The following WDR25 variants were observed in gnomAD, a reference collection of about 807,000 sequenced individuals.
WDR25 encodes WD repeat-containing protein 25.
In WDR25, 35 loss-of-function variants were observed where a neutral mutation model predicts 47.7. The ratio of observed to expected loss-of-function variants is 0.73; its 90% CI spans 0.56 to 0.97. The LOEUF (loss-of-function observed/expected upper bound fraction) is 0.97, where lower values mean the gene tolerates loss of function less well. Among genes scored for constraint, WDR25 ranks in the 50% least tolerant of loss-of-function variants. The pLI, the probability that WDR25 is intolerant of heterozygous loss-of-function variation, is 0.00. For synonymous variants in WDR25, 248 were observed against 278.9 expected (o/e 0.89, Z 1.10); for missense variants, 634 against 704.7 (o/e 0.90, Z 1.14).
intron 2 of WDR25, among the ~76,000 whole-genome samples, chr14:100,437,278 C>G (rs2140240942): frequency 6.6e-6 from 1 of 152,270 alleles, no homozygotes; most frequent in South Asian, 2.1e-4. Flanking sequence ...CCCCACGGCC[C>G]AGCCTTAGCC....
rs1294532604 is a variant in WDR25, at chr14:100,381,666, C to T, written c.742C>T (p.Pro248Ser). ...VLFHLRGHRG[P>S]VNTIQWCPVL... ...TTTCCACCTGAGAGGCCACAGGGGCCCTGTCAACACCATTCAGTGGTGTCC... is the reference window on the plus strand; with the variant it reads ...TTTCCACCTGAGAGGCCACAGGGGCTCTGTCAACACCATTCAGTGGTGTCC... Residue 248 changes from proline (P) to serine (S), a missense_variant, in exon 2 of 7, where the codon CCT (proline) becomes TCT (serine). Pro to Ser is a moderately conservative substitution (Grantham distance 74, BLOSUM62 -1). Coordinates refer to ENST00000402312, the MANE Select transcript of WDR25 (RefSeq NM_001161476.3). 1.2e-6 allele frequency: 2 copies of T among 1,614,198 alleles called. No individual in the cohort carries two copies. Among genetic ancestry groups the T allele is most frequent in the Non-Finnish European group, 1.7e-6 (2 of 1,180,042 alleles).
intron 4 of WDR25, among the ~76,000 whole-genome samples, chr14:100,501,831 G>C (rs999132189): frequency 2.0e-5 from 3 of 152,328 alleles, no homozygotes; most frequent in African/African-American, 7.2e-5. Context: ...CACTGAATGT[G>C]GGGGCTCACA....
At chr14:100,481,591 C>G (rs1469266833) in intron 3 of WDR25, among the ~76,000 whole-genome samples, 2 of 151,872 alleles carry the variant, frequency 1.3e-5, no homozygotes, top group East Asian at 3.9e-4. Context: ...TTTTTATATC[C>G]TATAATACAA....
At chr14:100,458,704 C>T (rs1899283494) in intron 2 of WDR25, among the ~76,000 whole-genome samples, 1 of 152,034 alleles carries the variant, frequency 6.6e-6, no homozygotes, top group South Asian at 2.1e-4. Flanking sequence ...AAAGTATATT[C>T]TCTGACTACT....
intron 3 of WDR25, among the ~76,000 whole-genome samples, chr14:100,473,123 A>T (rs527443415): frequency 5.9e-5 from 9 of 152,354 alleles, no homozygotes; most frequent in African/African-American, 2.2e-4. Context: ...GCTACAAGGA[A>T]AAAGAGAATG....
At chr14:100,448,730 A>G (rs894940467) in intron 2 of WDR25, among the ~76,000 whole-genome samples, 4 of 152,078 alleles carry the variant, frequency 2.6e-5, no homozygotes, top group African/African-American at 7.2e-5. Context: ...CAACCAGGAA[A>G]ACATTACACA....
In WDR25 at chr14:100,430,837, T is replaced by C. The variant is rs1221501744; in HGVS notation, c.823-37184T>C. 1.3e-5 allele frequency among the ~76,000 whole-genome samples: 2 copies of C among 152,180 alleles called. No homozygotes were observed. Among genetic ancestry groups the C allele is most frequent in the Non-Finnish European group, 2.9e-5 (2 of 68,028 alleles). ...CATTTCTGGCTGTCGAGAAGGGGCC[T>C]AAGAGGTGCCCACTCCCCTCCTTGT... On this transcript the variant is annotated intron_variant, in intron 2 of 6. Transcript: ENST00000402312. The surrounding 1 kb of genome is among the most constrained non-coding windows in gnomAD (Gnocchi z 4.7).
At chr14:100,492,311 C>A (rs1482777701) in intron 4 of WDR25, among the ~76,000 whole-genome samples, 1 of 152,230 alleles carries the variant, frequency 6.6e-6, no homozygotes, top group East Asian at 1.9e-4. Flanking sequence ...CCTCAGAGAC[C>A]TGCCCTGCAA....
At chr14:100,417,083 A>G (rs1897888972) in intron 2 of WDR25, among the ~76,000 whole-genome samples, 1 of 152,202 alleles carries the variant, frequency 6.6e-6, no homozygotes, top group Non-Finnish European at 1.5e-5. Flanking sequence ...TCCAGGGGCA[A>G]TCCAACTACC....
intron 1 of WDR25, among the ~76,000 whole-genome samples, chr14:100,377,176 A>G (rs1896717107): frequency 6.6e-6 from 1 of 152,214 alleles, no homozygotes; most frequent in Non-Finnish European, 1.5e-5. Context: ...GACCAGGCTT[A>G]GCATTTAGAG....
At chr14:100,443,029 G>C (rs1019787648) in intron 2 of WDR25, among the ~76,000 whole-genome samples, 10 of 152,342 alleles carry the variant, frequency 6.6e-5, no homozygotes, top group Admixed American at 2.6e-4. Context: ...CAGGCCCCAG[G>C]CGCTCGCACA....
intron 2 of WDR25, among the ~76,000 whole-genome samples, chr14:100,439,780 ACT>A (rs1168319366): frequency 6.6e-6 from 1 of 152,058 alleles, no homozygotes; most frequent in Non-Finnish European, 1.5e-5. Flanking sequence ...TATTTTTCAC[ACT>A]CTCCATATTT....
chr14:100,378,158 A>G (rs1193260379), intron 1 of WDR25, among the ~76,000 whole-genome samples: 1 of 134,474 alleles, frequency 7.4e-6, no homozygotes, highest in African/African-American at 2.6e-5. Context: ...ATGATGGTTC[A>G]GAATTTCAGA....
intron 4 of WDR25, among the ~76,000 whole-genome samples, chr14:100,503,541 G>A (rs1483953999): frequency 6.6e-6 from 1 of 152,188 alleles, no homozygotes; most frequent in Non-Finnish European, 1.5e-5. Flanking sequence ...ATGGGCAAGT[G>A]TGAACAAAGC....
At chr14:100,465,136 C>T (rs1002776640) in intron 2 of WDR25, among the ~76,000 whole-genome samples, 3 of 151,824 alleles carry the variant, frequency 2.0e-5, no homozygotes, top group East Asian at 1.9e-4. Flanking sequence ...TACAAATTCA[C>T]GTATAAATGA....
chr14:100,445,550 G>A (rs1312979775), intron 2 of WDR25, among the ~76,000 whole-genome samples: 1 of 152,208 alleles, frequency 6.6e-6, no homozygotes, highest in East Asian at 1.9e-4. Flanking sequence ...GGCTGGGAGT[G>A]GAGAAGGAAA....
intron 2 of WDR25, among the ~76,000 whole-genome samples, chr14:100,466,288 TG>T (rs1237106080): frequency 5.9e-5 from 9 of 152,360 alleles, no homozygotes; most frequent in Admixed American, 4.6e-4. Flanking sequence ...CTTGACCTTT[TG>T]TTTTCTTAAG....
intron 3 of WDR25, among the ~76,000 whole-genome samples, chr14:100,471,184 C>T (rs1272923583): frequency 6.6e-6 from 1 of 152,102 alleles, no homozygotes; most frequent in Non-Finnish European, 1.5e-5. Context: ...CCCTGGCTGG[C>T]TTGGGAGCTC....
rs1241059686 is a variant in WDR25 at position 100,481,190 on chromosome 14, G to A, written c.971-2804G>A. The A allele has an allele frequency of 9.2e-5, 44 of 476,494 alleles. No homozygotes were observed. The East Asian group carries it at 1.3e-3, about 14-fold the overall frequency. 29.5% of individuals were successfully genotyped at this position (476,494 alleles called of 1,614,324 possible). A position where few individuals can be genotyped will look rare whatever the true frequency, so the allele number is the denominator to read the frequency against. ...AGTGGTTAACCAAGAAACTAAAGTA[G>A]AGTTACCTGCAGAAAATGGGGAAAT... On this transcript the variant is annotated intron_variant, in intron 3 of 6. Transcript: ENST00000402312.
Sources: gnomAD v4.1 joint callset for allele counts (sites outside exome capture counted in the v4.1 genomes callset) on GRCh38, gnomAD v4.1.1 for gene constraint, Gnocchi (gnomAD v3.1) non-coding constraint, MANE v1.5 for transcripts, NCBI Gene and HGNC (gene_info 2026-07-23, HGNC 2026-07-21) for gene names.